The following PTPRU variants were observed in gnomAD, a reference collection of about 807,000 sequenced individuals.
PTPRU encodes the protein receptor-type tyrosine-protein phosphatase U.
PTPRU carries 69 observed loss-of-function variants against 166.3 expected under a neutral mutation model. The ratio of observed to expected loss-of-function variants is 0.41; its 90% CI spans 0.34 to 0.51. The LOEUF is 0.51. Among genes scored for constraint, PTPRU ranks in the 20% least tolerant of loss-of-function variants. The probability of loss-of-function intolerance (pLI) is 0.09; values close to 1 mark genes in which losing one functional copy is unlikely to be tolerated. For missense variants in PTPRU, 1,657 were observed against 2,013.7 expected, an observed-to-expected ratio of 0.82 and a Z score of 3.39; for synonymous variants, 793 against 814.0, an observed-to-expected ratio of 0.97 and a Z score of 0.44.
At chr1:29,304,122 G>T in intron 16 of PTPRU, 77 bp downstream of exon 16, 1 of 1,501,530 alleles carries the variant, frequency 6.7e-7, no homozygotes, top group South Asian at 1.3e-5. Flanking sequence ...CTCTGACCCT[G>T]GCAACCCTCA....
chr1:29,305,744 A>G (rs1239697852), intron 18 of PTPRU, among the ~76,000 whole-genome samples: 1 of 152,204 alleles, frequency 6.6e-6, no homozygotes, highest in African/African-American at 2.4e-5. Flanking sequence ...CTCATCGTGC[A>G]CCATGAGGCT....
chr1:29,243,193 G>A (rs191488402), intron 1 of PTPRU, among the ~76,000 whole-genome samples: 4 of 152,150 alleles, frequency 2.6e-5, no homozygotes, highest in East Asian at 3.9e-4. Flanking sequence ...CCCCGGGCCC[G>A]GCCCAGGCTT....
At chr1:29,264,805 C>T (rs1230413769) in intron 7 of PTPRU, among the ~76,000 whole-genome samples, 2 of 152,122 alleles carry the variant, frequency 1.3e-5, no homozygotes, top group Non-Finnish European at 1.5e-5. Flanking sequence ...CAACTTCGTT[C>T]TTTTGTATGT....
At position 29,320,697 on chromosome 1, in the gene PTPRU, A is replaced by C. The variant is rs199673601; in HGVS notation, c.3700A>C (p.Ser1234Arg). The C allele has an allele frequency of 1.3e-5, 21 of 1,593,728 alleles. No homozygotes were observed. The Admixed American group carries it at 2.9e-4, about 22-fold the overall frequency. ...NAALTDSYTR[S>R]AAFIVTLHPL... ...GGTTTCCCTGCAGAGCTACACACGG[A>C]GTGCGGCCTTCATCGTGACCCTGCA... is the stretch of plus-strand genomic sequence containing the variant. The change falls in exon 26 of 30, where the codon AGT (serine) becomes CGT (arginine). Residue 1234 changes from serine to arginine, a missense_variant. Ser to Arg is a moderately radical substitution (Grantham distance 110). This residue lies in a region of PTPRU where 1,190 missense variants were observed against 1,477.4 expected (regional missense o/e 0.81). Coordinates refer to ENST00000373779, the MANE Select transcript of PTPRU (RefSeq NM_133178.4). The surrounding 1 kb of genome is among the most constrained non-coding windows in gnomAD (Gnocchi z 5.2).
chr1:29,271,362 A>G lies in PTPRU; in HGVS notation c.1145-4086A>G, dbSNP rs1156831956. Among the ~76,000 whole-genome samples the G allele has an allele frequency of 6.6e-6, 1 of 152,200 alleles. No homozygotes were observed. Among genetic ancestry groups the G allele is most frequent in the African/African-American group, 2.4e-5 (1 of 41,456 alleles). On this transcript the variant is annotated intron_variant, in intron 7 of 29. Coordinates refer to ENST00000373779, the MANE Select transcript of PTPRU (RefSeq NM_133178.4). This position sits in a 1 kb window ranked among gnomAD's most constrained non-coding sequence, Gnocchi z 4.4. ...ATCAACATATCAGTCTGTAGTCAAC[A>G]AACTATTTGAGCTCCCTGGATCTGT...
At chr1:29,325,348 C>T in intron 29 of PTPRU, 22 bp downstream of exon 29, 1 of 1,612,558 alleles carries the variant, frequency 6.2e-7, no homozygotes, top group Non-Finnish European at 8.5e-7. Flanking sequence ...TGTCCCGTGC[C>T]CAGCCACTTC....
Position 29,236,793 on chromosome 1 carries a change from A to G in PTPRU, c.73+76A>G. ...GTGGCGTAGCTCGGAAGAAAGTGTG[A>G]GTGTTGAGTGACCGGGCGTTACGAG... On this transcript the variant is annotated intron_variant, in intron 1 of 29. Transcript: ENST00000373779. The surrounding 1 kb of genome is among the most constrained non-coding windows in gnomAD (Gnocchi z 4.6). 1 of 1,246,544 alleles carries G rather than the reference A, an allele frequency of 8.0e-7. No individual in the cohort carries two copies. Among genetic ancestry groups the G allele is most frequent in the Non-Finnish European group, 1.0e-6 (1 of 973,344 alleles). 77.2% of individuals were successfully genotyped at this position (1,246,544 alleles called of 1,614,324 possible). A position where few individuals can be genotyped will look rare whatever the true frequency, so the allele number is the denominator to read the frequency against.
intron 1 of PTPRU, among the ~76,000 whole-genome samples, chr1:29,248,784 G>T (rs1028312317): frequency 3.3e-5 from 5 of 152,048 alleles, no homozygotes; most frequent in African/African-American, 9.7e-5. Context: ...CCCCTTAGGT[G>T]CAGGCTTACC....
At chr1:29,269,246 A>ATATAT (rs1266094646) in intron 7 of PTPRU, among the ~76,000 whole-genome samples, 2 of 20,584 alleles carry the variant, frequency 9.7e-5, no homozygotes, top group African/African-American at 1.4e-4. Flanking sequence ...ATATATATAT[A>ATATAT]TTTTTTTTTT....
intron 1 of PTPRU, among the ~76,000 whole-genome samples, chr1:29,239,831 C>T (rs1004025894): frequency 1.3e-5 from 2 of 152,062 alleles, no homozygotes; most frequent in Non-Finnish European, 2.9e-5. Context: ...CTCCTCCTTC[C>T]CTCTTTCCCT....
At chr1:29,294,090 G>T (rs1350307052) in intron 15 of PTPRU, among the ~76,000 whole-genome samples, 1 of 152,186 alleles carries the variant, frequency 6.6e-6, no homozygotes, top group African/African-American at 2.4e-5. Context: ...TGCACACAAG[G>T]TTCTAGAAAT....
chr1:29,293,559 C>T (rs1414319139), intron 15 of PTPRU, among the ~76,000 whole-genome samples: 2 of 151,066 alleles, frequency 1.3e-5, no homozygotes, highest in Non-Finnish European at 2.9e-5. Flanking sequence ...ACTGCAAGCT[C>T]CGCCTCCCGC....
At chr1:29,283,331 C>G (rs187121703) in intron 12 of PTPRU, among the ~76,000 whole-genome samples, 57 of 151,684 alleles carry the variant, frequency 3.8e-4, no homozygotes, top group African/African-American at 1.4e-3. Flanking sequence ...TAGCCCCTCC[C>G]CCATGGTCCC....
intron 1 of PTPRU, among the ~76,000 whole-genome samples, chr1:29,252,123 C>G (rs1239018051): frequency 6.6e-6 from 1 of 152,192 alleles, no homozygotes; most frequent in Non-Finnish European, 1.5e-5. Flanking sequence ...TGCCTCAGCT[C>G]TGGAAAGAGT....
intron 12 of PTPRU, 132 bp from the exon 13 acceptor site, chr1:29,283,808 G>A (rs1457461701): frequency 9.4e-7 from 1 of 1,068,452 alleles, no homozygotes; most frequent in Non-Finnish European, 1.4e-6. Flanking sequence ...GCCTTCGGGT[G>A]GGGTGTCCCT....
chr1:29,259,605 G>GA, intron 5 of PTPRU, 41 bp downstream of exon 5: 1 of 1,465,042 alleles, frequency 6.8e-7, no homozygotes, highest in Non-Finnish European at 9.3e-7. Context: ...CGGGGTGGGA[G>GA]GGGGTTGGTG....
Position 29,323,430 on chromosome 1 carries a change from G to C in PTPRU, c.3888G>C (p.Glu1296Asp). 1 of 1,610,564 alleles carries C rather than the reference G, an allele frequency of 6.2e-7. No homozygotes were observed. Reference sequence around the variant, plus strand: ...AGCAATATGGCCTCATGGAGGTGGAGTTTATGTCGGGCACAGCTGATGAAG... The same window carrying C: ...AGCAATATGGCCTCATGGAGGTGGACTTTATGTCGGGCACAGCTGATGAAG... ...GRQQYGLMEVEFMSGTADEDL... is the reference protein window; with the variant it reads ...GRQQYGLMEVDFMSGTADEDL... The change falls in exon 27 of 30, where the codon GAG becomes GAC. Residue 1296 changes from glutamate to aspartate, a missense_variant. Around this residue, in one of 3 missense-constraint regions of PTPRU, gnomAD observed 1,190 missense variants for 1,477.4 expected, o/e 0.81. Transcript: ENST00000373779.
intron 1 of PTPRU, among the ~76,000 whole-genome samples, chr1:29,248,725 C>A (rs541417602): frequency 6.6e-6 from 1 of 152,144 alleles, no homozygotes; most frequent in Admixed American, 6.5e-5. Context: ...CACACTGACA[C>A]ATACACGTAT....
At position 29,317,895 on chromosome 1, in the gene PTPRU, A is replaced by G; in HGVS notation, c.3661A>G (p.Asn1221Asp). 4 of 1,613,928 alleles carry G rather than the reference A, an allele frequency of 2.5e-6. No individual in the cohort carries two copies. The highest frequency in any genetic ancestry group is 3.4e-6 in the Non-Finnish European group (4 of 1,179,990). Residue 1221 changes from asparagine (N) to aspartate (D), a missense_variant, in exon 25 of 30, where the codon AAC becomes GAC. Asn to Asp is a conservative substitution (Grantham distance 23, BLOSUM62 1). Transcript: ENST00000373779. This position sits in a 1 kb window ranked among gnomAD's most constrained non-coding sequence, Gnocchi z 5.6. ...FLISTDGDSN[N>D]YINAALTDSY... ...CATCTCCACTGATGGGGACTCCAAC[A>G]ACTACATTAATGCAGCCCTGACTGA... is the stretch of plus-strand genomic sequence containing the variant.
Sources: allele counts gnomAD v4.1 joint callset (sites outside exome capture counted in the v4.1 genomes callset), GRCh38; gene constraint gnomAD v4.1.1; regional missense constraint gnomAD v4.1.1; non-coding constraint Gnocchi (gnomAD v3.1); transcripts MANE v1.5; gene names NCBI Gene and HGNC (gene_info 2026-07-23, HGNC 2026-07-21).